Variants in GPR158 observed in about 807,000 individuals in gnomAD.
GPR158 encodes the protein G protein-coupled receptor 158, also known as metabotropic glycine receptor.
A neutral mutation model predicts 78.2 loss-of-function variants in GPR158; 30 were observed. That is an observed-to-expected ratio of 0.38 (90% CI 0.29 to 0.52). The LOEUF is 0.52. Among genes scored for constraint, GPR158 ranks in the 20% least tolerant of loss-of-function variants. GPR158 has a pLI of 0.83. For synonymous variants in GPR158, 581 were observed against 591.1 expected (o/e 0.98, Z 0.25); for missense variants, 1,463 against 1,523.5 (o/e 0.96, Z 0.66).
At chr10:25,592,005 T>C (rs566446493) in intron 8 of GPR158, among the ~76,000 whole-genome samples, 10 of 152,004 alleles carry the variant, frequency 6.6e-5, no homozygotes, top group African/African-American at 1.4e-4. Context: ...ATGGTTCAAA[T>C]ATTTATAAAG....
intron 2 of GPR158, among the ~76,000 whole-genome samples, chr10:25,313,325 C>A (rs1468536594): frequency 6.6e-6 from 1 of 151,138 alleles, no homozygotes; most frequent in African/African-American, 2.4e-5. Flanking sequence ...GTGCAGCACA[C>A]CAACATGGCA....
intron 2 of GPR158, among the ~76,000 whole-genome samples, chr10:25,381,988 A>G (rs113203389): frequency 0.011 from 1,734 of 152,308 alleles, 8 homozygotes; most frequent in Non-Finnish European, 0.016. Flanking sequence ...AATAATGCAC[A>G]ACAGGGTTCG....
At chr10:25,456,581 T>G (rs1835294313) in intron 4 of GPR158, among the ~76,000 whole-genome samples, 1 of 152,174 alleles carries the variant, frequency 6.6e-6, no homozygotes, top group Non-Finnish European at 1.5e-5. Context: ...AATTTTAAAG[T>G]AGTTACCTTG....
At chr10:25,468,470 G>A (rs1380154054) in intron 5 of GPR158, among the ~76,000 whole-genome samples, 1 of 152,156 alleles carries the variant, frequency 6.6e-6, no homozygotes, top group East Asian at 1.9e-4. Context: ...AAGGTTAAAT[G>A]CTTAAGTGTG....
At position 25,514,468 on chromosome 10, in the gene GPR158, C is replaced by G. The variant is rs1222691006; in HGVS notation, c.1405-36508C>G. On this transcript the variant is annotated intron_variant, in intron 5 of 10. Coordinates refer to ENST00000376351, the MANE Select transcript of GPR158 (RefSeq NM_020752.3). ...CTTGGTTGGTGAATTCTTTTCCATT[C>G]TGCCATTCTTCTTAGTGGAGCATTT... is the stretch of plus-strand genomic sequence containing the variant. Among the ~76,000 whole-genome samples, 4 of 152,102 alleles carry G rather than the reference C, an allele frequency of 2.6e-5. No individual in the cohort carries two copies. The East Asian group carries it at 7.7e-4, about 29-fold the overall frequency.
At chr10:25,534,779 A>G (rs754922058) in intron 5 of GPR158, among the ~76,000 whole-genome samples, 3 of 147,006 alleles carry the variant, frequency 2.0e-5, no homozygotes, top group Non-Finnish European at 4.4e-5. Flanking sequence ...AAAAAGTTAG[A>G]TAGACAGATA....
intron 2 of GPR158, among the ~76,000 whole-genome samples, chr10:25,296,501 T>G (rs1854517189): frequency 7.2e-6 from 1 of 138,966 alleles, no homozygotes; most frequent in African/African-American, 2.7e-5. Context: ...AATCTATCTA[T>G]TGATTGATTG....
intron 5 of GPR158, among the ~76,000 whole-genome samples, chr10:25,488,847 G>A (rs1049141049): frequency 2.6e-5 from 4 of 151,786 alleles, no homozygotes; most frequent in African/African-American, 7.3e-5. Context: ...TTTTTAGGGT[G>A]CACTAATTTC....
chr10:25,478,493 C>CTTGTGTGTGTGTGTGT (rs1051229392), intron 5 of GPR158, among the ~76,000 whole-genome samples: 23 of 145,190 alleles, frequency 1.6e-4, no homozygotes, highest in African/African-American at 5.5e-4. Flanking sequence ...ATATATAATG[C>CTTGTGTGTGTGTGTGT]GTGTGTGTGT....
chr10:25,206,288 A>G (rs893279682), intron 1 of GPR158, among the ~76,000 whole-genome samples: 16 of 152,200 alleles, frequency 1.1e-4, no homozygotes, highest in African/African-American at 3.9e-4. Flanking sequence ...CGCCCGGCCC[A>G]GATATGGGTT....
At chr10:25,547,187 C>A (rs1161237382) in intron 5 of GPR158, among the ~76,000 whole-genome samples, 1 of 152,042 alleles carries the variant, frequency 6.6e-6, no homozygotes, top group Non-Finnish European at 1.5e-5. Context: ...GTCCTCTCGC[C>A]TTCAGTCTCT....
At chr10:25,180,224 G>C (rs138542639) in intron 1 of GPR158, among the ~76,000 whole-genome samples, 1 of 152,100 alleles carries the variant, frequency 6.6e-6, no homozygotes, top group South Asian at 2.1e-4. Context: ...TGTGGTGGGT[G>C]GGAATTAAGG....
intron 2 of GPR158, among the ~76,000 whole-genome samples, chr10:25,225,884 A>G (rs1321118689): frequency 6.6e-6 from 1 of 152,190 alleles, no homozygotes; most frequent in Non-Finnish European, 1.5e-5. Flanking sequence ...AAAACATATC[A>G]TTTGGTATAT....
At chr10:25,205,850 G>A (rs1268952478) in intron 1 of GPR158, among the ~76,000 whole-genome samples, 1 of 151,886 alleles carries the variant, frequency 6.6e-6, no homozygotes, top group Non-Finnish European at 1.5e-5. Flanking sequence ...TTTTATGGCT[G>A]ATTCTTTAGA....
intron 2 of GPR158, among the ~76,000 whole-genome samples, chr10:25,338,607 T>TA (rs1000194913): frequency 6.8e-6 from 1 of 146,956 alleles, no homozygotes; most frequent in Admixed American, 6.9e-5. Context: ...TTATTATATA[T>TA]AAAAAATCAT....
intron 7 of GPR158, among the ~76,000 whole-genome samples, chr10:25,574,874 G>GACTT (rs1446748751): frequency 6.6e-6 from 1 of 152,034 alleles, no homozygotes; most frequent in Non-Finnish European, 1.5e-5. Context: ...GACAGAGTGA[G>GACTT]ACTTTGTCTC....
chr10:25,255,356 A>G (rs1383961001), intron 2 of GPR158, among the ~76,000 whole-genome samples: 2 of 152,242 alleles, frequency 1.3e-5, no homozygotes. Context: ...GTATTGCTAC[A>G]TAAACTACAA....
intron 2 of GPR158, among the ~76,000 whole-genome samples, chr10:25,296,479 CTATCTA>C (rs1564414099): frequency 6.9e-6 from 1 of 144,186 alleles, no homozygotes; most frequent in Non-Finnish European, 1.5e-5. Flanking sequence ...GTCTGTCTTT[CTATCTA>C]TATCTAATCT....
chr10:25,396,075 A>AGATTTTC (rs1834359370), intron 3 of GPR158, 62 bp downstream of exon 3: 3 of 716,570 alleles, frequency 4.2e-6, no homozygotes, highest in Non-Finnish European at 7.2e-6. Flanking sequence ...ATTATTACGA[A>AGATTTTC]GATTTTCTTT....
Sources: gnomAD v4.1 joint callset for allele counts (sites outside exome capture counted in the v4.1 genomes callset) on GRCh38, gnomAD v4.1.1 for gene constraint, MANE v1.5 for transcripts, NCBI Gene and HGNC (gene_info 2026-07-23, HGNC 2026-07-21) for gene names.